The following RIMS1 variants were observed in gnomAD, a reference collection of about 807,000 sequenced individuals.
The protein encoded by RIMS1 is regulating synaptic membrane exocytosis protein 1.
RIMS1 carries 83 observed loss-of-function variants against 214.1 expected under a neutral mutation model. That is an observed-to-expected ratio of 0.39 (90% CI 0.32 to 0.47). The LOEUF (loss-of-function observed/expected upper bound fraction) is 0.47, where lower values mean the gene tolerates loss of function less well. Among genes scored for constraint, RIMS1 ranks in the 20% least tolerant of loss-of-function variants. The pLI is 0.99. For synonymous variants in RIMS1, 793 were observed against 786.8 expected, an observed-to-expected ratio of 1.01 and a Z score of -0.13; for missense variants, 2,050 against 2,161.8, an observed-to-expected ratio of 0.95 and a Z score of 1.03.
chr6:72,169,554 T>G (rs112604467), intron 4 of RIMS1, among the ~76,000 whole-genome samples: 1 of 15,288 alleles, frequency 6.5e-5, no homozygotes, highest in Non-Finnish European at 1.1e-4. Flanking sequence ...AAATGAGGGA[T>G]GGTTAGGAAT....
chr6:72,261,184 T>C lies in RIMS1; in HGVS notation c.3116+417T>C, dbSNP rs1050513165. On this transcript the variant is annotated intron_variant, in intron 19 of 33. Transcript: ENST00000521978. ...TGTAAGTTTGCTCTGTTTTAGCCTT[T>C]TTTAATTTCCTTTTAGAATTTATTG... is the stretch of plus-strand genomic sequence containing the variant. 3 of 1,016,962 alleles carry C rather than the reference T, an allele frequency of 2.9e-6. No individual in the cohort carries two copies. The African/African-American group carries it at 5.2e-5, about 18-fold the overall frequency. 63.0% of individuals were successfully genotyped at this position (1,016,962 alleles called of 1,614,324 possible). A position where few individuals can be genotyped will look rare whatever the true frequency, so the allele number is the denominator to read the frequency against.
At chr6:72,154,602 T>G (rs573758846) in intron 4 of RIMS1, among the ~76,000 whole-genome samples, 1 of 140,904 alleles carries the variant, frequency 7.1e-6, no homozygotes, top group African/African-American at 2.5e-5. Context: ...AGTATCAACT[T>G]TGACAACTAC....
At chr6:72,200,497 C>G (rs2051753769) in intron 6 of RIMS1, among the ~76,000 whole-genome samples, 1 of 152,088 alleles carries the variant, frequency 6.6e-6, no homozygotes, top group African/African-American at 2.4e-5. Flanking sequence ...TTTAATTACT[C>G]CAAAAGAGGA....
intron 24 of RIMS1, among the ~76,000 whole-genome samples, chr6:72,290,379 T>TAAAAC (rs199945462): frequency 2.2e-4 from 33 of 152,146 alleles, no homozygotes; most frequent in Admixed American, 1.2e-3. Context: ...TACAGCTCTA[T>TAAAAC]AAAACAAAAC....
chr6:72,386,817 T>C (rs1596022881), intron 29 of RIMS1, among the ~76,000 whole-genome samples: 1 of 144,424 alleles, frequency 6.9e-6, no homozygotes, highest in Admixed American at 7.2e-5. Context: ...CACTGCAAGC[T>C]CCGCCTTCCA....
At chr6:72,053,629 A>C (rs1825326416) in intron 2 of RIMS1, among the ~76,000 whole-genome samples, 1 of 152,182 alleles carries the variant, frequency 6.6e-6, no homozygotes, top group Non-Finnish European at 1.5e-5. Context: ...GGTGCATTTC[A>C]TTCCTTTGTG....
At chr6:72,222,885 C>T (rs2058958462) in intron 6 of RIMS1, among the ~76,000 whole-genome samples, 2 of 152,160 alleles carry the variant, frequency 1.3e-5, no homozygotes, top group African/African-American at 4.8e-5. Context: ...CACTCCTTAA[C>T]ACAATTATGT....
intron 16 of RIMS1, among the ~76,000 whole-genome samples, chr6:72,254,564 T>A (rs2074973601): frequency 6.6e-6 from 1 of 152,222 alleles, no homozygotes; most frequent in Admixed American, 6.5e-5. Flanking sequence ...TTTATCTAAA[T>A]AGAATTTGCT....
At chr6:71,895,502 C>A (rs2150385478) in intron 1 of RIMS1, among the ~76,000 whole-genome samples, 1 of 151,762 alleles carries the variant, frequency 6.6e-6, no homozygotes, top group East Asian at 1.9e-4. Context: ...TGGCGAAACC[C>A]CATCTCTACT....
At chr6:71,921,122 A>ATTATT (rs1252846705) in intron 1 of RIMS1, among the ~76,000 whole-genome samples, 3 of 152,086 alleles carry the variant, frequency 2.0e-5, no homozygotes, top group Admixed American at 6.5e-5. Flanking sequence ...AATACAAGCC[A>ATTATT]TTATTTTATT....
intron 9 of RIMS1, among the ~76,000 whole-genome samples, chr6:72,240,182 A>G (rs1230171400): frequency 2.0e-5 from 3 of 152,148 alleles, no homozygotes; most frequent in Non-Finnish European, 4.4e-5. Flanking sequence ...TTATCCATAC[A>G]TAAATAATGT....
At chr6:72,305,120 C>T (rs1300512586) in intron 26 of RIMS1, among the ~76,000 whole-genome samples, 1 of 151,828 alleles carries the variant, frequency 6.6e-6, no homozygotes, top group African/African-American at 2.4e-5. Context: ...TTACATTTTG[C>T]AAATAAAGAT....
intron 2 of RIMS1, among the ~76,000 whole-genome samples, chr6:72,055,257 G>C (rs1028752788): frequency 6.6e-6 from 1 of 152,088 alleles, no homozygotes; most frequent in Admixed American, 6.6e-5. Context: ...CATTTCATGA[G>C]CACCTGCTAC....
chr6:72,183,023 C>A lies in RIMS1; in HGVS notation c.1552C>A (p.Arg518=). 3 of 1,601,154 alleles carry A rather than the reference C, an allele frequency of 1.9e-6. No individual in the cohort carries two copies. The highest frequency in any genetic ancestry group is 2.6e-6 in the Non-Finnish European group (3 of 1,174,720). Reference sequence around the variant, plus strand: ...GCGGCCGTCCCCGCCCAAGCCGCACCGGTCCAAGAGAGGCGGCAAGAAGCG... The same window carrying A: ...GCGGCCGTCCCCGCCCAAGCCGCACAGGTCCAAGAGAGGCGGCAAGAAGCG... The part of the protein sequence containing the change: ...SVRPSPPKPH[R]SKRGGKKRQM... The change falls in exon 6 of 34, where the codon CGG becomes AGG. Residue 518 remains arginine, a synonymous_variant. Coordinates refer to ENST00000521978, the MANE Select transcript of RIMS1 (RefSeq NM_014989.7).
chr6:72,160,202 A>G (rs2045146317), intron 4 of RIMS1, among the ~76,000 whole-genome samples: 3 of 128,450 alleles, frequency 2.3e-5, no homozygotes, highest in South Asian at 5.6e-4. Context: ...TTGTTGGTGT[A>G]TAAGAATGCT....
intron 2 of RIMS1, among the ~76,000 whole-genome samples, chr6:72,057,020 G>A (rs890558035): frequency 6.6e-6 from 1 of 152,110 alleles, no homozygotes; most frequent in Non-Finnish European, 1.5e-5. Flanking sequence ...GCCTATCAGA[G>A]GGTGGAGGGT....
chr6:72,249,542 C>G (rs927201391), intron 12 of RIMS1, among the ~76,000 whole-genome samples: 1 of 151,932 alleles, frequency 6.6e-6, no homozygotes. Flanking sequence ...ACCTTTAATC[C>G]CAGCACTTTG....
chr6:72,394,228 T>C (rs987128351), intron 31 of RIMS1, among the ~76,000 whole-genome samples: 34 of 152,194 alleles, frequency 2.2e-4, no homozygotes, highest in Non-Finnish European at 3.5e-4. Flanking sequence ...ATGGAAGAGA[T>C]AAACAACCAG....
chr6:72,379,577 G>A (rs532158453), intron 29 of RIMS1, among the ~76,000 whole-genome samples: 1 of 152,298 alleles, frequency 6.6e-6, no homozygotes, highest in South Asian at 2.1e-4. Flanking sequence ...AGGAGAATTG[G>A]CATTATTCTA....
Sources: gnomAD v4.1 joint callset for allele counts (sites outside exome capture counted in the v4.1 genomes callset) on GRCh38, gnomAD v4.1.1 for gene constraint, MANE v1.5 for transcripts, NCBI Gene and HGNC (gene_info 2026-07-23, HGNC 2026-07-21) for gene names.